The following NEUROD1 variants were observed in gnomAD, a reference collection of about 807,000 sequenced individuals.
The protein encoded by NEUROD1 is neurogenic differentiation factor 1.
A neutral mutation model predicts 21.8 loss-of-function variants in NEUROD1; 9 were observed. The observed-to-expected ratio is 0.41, with a 90% confidence interval of 0.25 to 0.72. The LOEUF (loss-of-function observed/expected upper bound fraction) is 0.72, where lower values mean the gene tolerates loss of function less well. Ranked by LOEUF, NEUROD1 falls within the 30% of genes least tolerant of loss-of-function variation. NEUROD1 has a pLI of 0.31. For missense variants in NEUROD1, 434 were observed against 468.8 expected (o/e 0.93, Z 0.69); for synonymous variants, 199 against 186.2 (o/e 1.07, Z -0.56).
chr2:181,678,311 C>G lies in NEUROD1; in HGVS notation c.550G>C (p.Val184Leu), dbSNP rs772202892. The stretch of plus-strand genomic sequence containing the variant: ...GGATTGAGTTGCAGGCAGCCCGCAA[C>G]CAGGTTGGTGGTGGGTTGGGATAAG... Reference protein sequence around the residue: ...KGLSQPTTNLVAGCLQLNPRT... With the variant: ...KGLSQPTTNLLAGCLQLNPRT... Residue 184 changes from valine (V) to leucine (L), a missense_variant, in exon 2 of 2, where the codon GTT becomes CTT. Coordinates refer to ENST00000295108, the MANE Select transcript of NEUROD1 (RefSeq NM_002500.5). This position sits in a 1 kb window ranked among gnomAD's most constrained non-coding sequence, Gnocchi z 5.5. 2 of 1,614,054 alleles carry G rather than the reference C, an allele frequency of 1.2e-6. No individual in the cohort carries two copies. Among genetic ancestry groups the G allele is most frequent in the Non-Finnish European group, 1.7e-6 (2 of 1,179,964 alleles).
Position 181,670,475 on chromosome 2 carries a change from C to A in NEUROD1, n.3471G>T, listed in dbSNP as rs1328501366. On this transcript the variant is annotated non_coding_transcript_exon_variant, in exon 2 of 2. Coordinates refer to the NEUROD1 transcript ENST00000496876. ...TTTCAGAAGAATTTAAATGAACTCT[C>A]CTATACTTATATATATTTAACATCA... 5.3e-5 allele frequency among the ~76,000 whole-genome samples: 8 copies of A among 152,216 alleles called. No individual in the cohort carries two copies. The East Asian group carries it at 1.2e-3, about 22-fold the overall frequency.
At chr2:181,675,370 T>C (rs71427808), downstream of NEUROD1, among the ~76,000 whole-genome samples, 1 of 152,228 alleles carries the variant, frequency 6.6e-6, no homozygotes, top group African/African-American at 2.4e-5. Context: ...TGGCTAATTG[T>C]TCCTGTCCAT....
downstream of NEUROD1, among the ~76,000 whole-genome samples, chr2:181,668,991 C>T (rs181451729): frequency 5.9e-5 from 9 of 152,200 alleles, no homozygotes; most frequent in South Asian, 4.1e-4. Flanking sequence ...ACTCTGTTAC[C>T]CTTACTGCTA....
chr2:181,678,819 A>G lies in NEUROD1; in HGVS notation c.42T>C (p.Pro14=). Residue 14 remains proline (P), a synonymous_variant, in exon 2 of 2, where the codon CCT becomes CCC. Coordinates refer to ENST00000295108, the MANE Select transcript of NEUROD1 (RefSeq NM_002500.5). This position sits in a 1 kb window ranked among gnomAD's most constrained non-coding sequence, Gnocchi z 5.5. ...TCCAGCTTGGAGGACCTTGGGGCTG[A>G]GGCTCGCCCATCAGCCCACTCTCGC... is the stretch of plus-strand genomic sequence containing the variant. ...SYSESGLMGE[P]QPQGPPSWTD... 2 of 1,614,106 alleles carry G rather than the reference A, an allele frequency of 1.2e-6. No individual in the cohort carries two copies. Among genetic ancestry groups the G allele is most frequent in the Non-Finnish European group, 1.7e-6 (2 of 1,180,030 alleles).
rs1237229187 is a variant in NEUROD1, at chr2:181,678,990, T to C, written c.-11-119A>G. The stretch of plus-strand genomic sequence containing the variant: ...TGTACAAATGCTTGCGAAAAGTACC[T>C]GCCCATTACAAAATGAATGCCTCTG... On this transcript the variant is annotated intron_variant, in intron 1 of 1. Transcript: ENST00000295108. The surrounding 1 kb of genome is among the most constrained non-coding windows in gnomAD (Gnocchi z 5.5). The C allele has an allele frequency of 4.1e-6, 5 of 1,221,210 alleles. No homozygotes were observed. Among genetic ancestry groups the C allele is most frequent in the East Asian group, 4.9e-5 (2 of 40,966 alleles). The allele number at this position is 1,221,210 out of a possible 1,614,324, so 75.6% of individuals were successfully genotyped here. A position where few individuals can be genotyped will look rare whatever the true frequency, so the allele number is the denominator to read the frequency against.
downstream of NEUROD1, among the ~76,000 whole-genome samples, chr2:181,669,464 A>G (rs997953117): frequency 3.9e-5 from 6 of 152,054 alleles, no homozygotes; most frequent in Non-Finnish European, 8.8e-5. Flanking sequence ...CCTCTAATCC[A>G]CACACATACC....
chr2:181,668,984 C>G (rs922178426), downstream of NEUROD1, among the ~76,000 whole-genome samples: 1 of 152,168 alleles, frequency 6.6e-6, no homozygotes, highest in African/African-American at 2.4e-5. Context: ...TTCTGCTACT[C>G]TGTTACCCTT....
At chr2:181,675,748 G>T (rs570593228), downstream of NEUROD1, among the ~76,000 whole-genome samples, 3 of 152,018 alleles carry the variant, frequency 2.0e-5, no homozygotes, top group African/African-American at 4.8e-5. Context: ...TGCCCCAAAG[G>T]GTGGGGGGAG....
rs374172497 is a variant in NEUROD1, at chr2:181,677,112, ATTTTTTTTTTTTTTTTTTTTTTTT to A, written c.*654_*677del. 1 of 49,406 alleles carries A rather than the reference ATTTTTTTTTTTTTTTTTTTTTTTT, an allele frequency of 2.0e-5. No individual in the cohort carries two copies. The highest frequency in any genetic ancestry group is 8.1e-4 in the South Asian group (1 of 1,238). The allele number at this position is 49,406 out of a possible 1,614,324, so 3.1% of individuals were successfully genotyped here. A position where few individuals can be genotyped will look rare whatever the true frequency, so the allele number is the denominator to read the frequency against. ...TGAAATGAATTGCTCAAATTGTGCA[ATTTTTTTTTTTTTTTTTTTTTTTT>A]TTTTTTTTTTACAATTGGAGAGGAA... On this transcript the variant is annotated 3_prime_UTR_variant, in exon 2 of 2. Coordinates refer to ENST00000295108, the MANE Select transcript of NEUROD1 (RefSeq NM_002500.5).
In NEUROD1 at chr2:181,678,991, GC is replaced by G; in HGVS notation, c.-11-121del. ...GTACAAATGCTTGCGAAAAGTACCT[GC>G]CCATTACAAAATGAATGCCTCTGAG... On this transcript the variant is annotated intron_variant, in intron 1 of 1. Coordinates refer to ENST00000295108, the MANE Select transcript of NEUROD1 (RefSeq NM_002500.5). This position sits in a 1 kb window ranked among gnomAD's most constrained non-coding sequence, Gnocchi z 5.5. 1 of 1,215,152 alleles carries G rather than the reference GC, an allele frequency of 8.2e-7. No homozygotes were observed. Among genetic ancestry groups the G allele is most frequent in the South Asian group, 1.4e-5 (1 of 73,090 alleles). 75.3% of individuals were successfully genotyped at this position (1,215,152 alleles called of 1,614,324 possible). A position where few individuals can be genotyped will look rare whatever the true frequency, so the allele number is the denominator to read the frequency against.
chr2:181,670,366 G>A (rs1688481280), exon 2 of NEUROD1, among the ~76,000 whole-genome samples: 2 of 152,046 alleles, frequency 1.3e-5, no homozygotes, highest in African/African-American at 4.8e-5. Flanking sequence ...GCTGTTTTTT[G>A]TCAGCTTGTT....
chr2:181,669,067 G>C (rs1688459915), downstream of NEUROD1, among the ~76,000 whole-genome samples: 1 of 151,920 alleles, frequency 6.6e-6, no homozygotes, highest in Non-Finnish European at 1.5e-5. Context: ...ATGTAATTCT[G>C]TACCTATGTT....
At chr2:181,674,851 A>G (rs1378929182), downstream of NEUROD1, among the ~76,000 whole-genome samples, 1 of 152,142 alleles carries the variant, frequency 6.6e-6, no homozygotes, top group Non-Finnish European at 1.5e-5. Context: ...TCTACCTTAC[A>G]AAAGAACACA....
chr2:181,677,694 G>T lies in NEUROD1; in HGVS notation c.*96C>A. 1 of 1,605,356 alleles carries T rather than the reference G, an allele frequency of 6.2e-7. No individual in the cohort carries two copies. The highest frequency in any genetic ancestry group is 1.1e-5 in the South Asian group (1 of 90,156). ...TTGAAGCTTGGAGTATTTGCACTTT[G>T]CAGCAGTAGTACCCAAAGGGCTGCC... is the stretch of plus-strand genomic sequence containing the variant. On this transcript the variant is annotated 3_prime_UTR_variant, in exon 2 of 2. Coordinates refer to ENST00000295108, the MANE Select transcript of NEUROD1 (RefSeq NM_002500.5).
chr2:181,677,873 TG>T lies in NEUROD1; in HGVS notation c.987del (p.Ile330Ter), dbSNP rs1279879492. 1 of 1,614,066 alleles carries T rather than the reference TG, an allele frequency of 6.2e-7. No homozygotes were observed. The highest frequency in any genetic ancestry group is 8.5e-7 in the Non-Finnish European group (1 of 1,180,040). ...SGTAAPRCEI[P>X]IDNIMSFDSH... ...CTATCGAAGGACATAATATTGTCTA[TG>T]GGGATCTCGCAGCGAGGGGCAGCGG... On this transcript the variant is annotated frameshift_variant, in exon 2 of 2. Transcript: ENST00000295108. LOFTEE classifies it high-confidence loss of function.
chr2:181,679,855 G>C (rs1024674677), intron 1 of NEUROD1, among the ~76,000 whole-genome samples: 1 of 152,184 alleles, frequency 6.6e-6, no homozygotes, highest in Non-Finnish European at 1.5e-5. Context: ...TGGCTGCTGG[G>C]GACTTGGCCG....
At chr2:181,669,200 G>A (rs1038138667), downstream of NEUROD1, among the ~76,000 whole-genome samples, 3 of 152,126 alleles carry the variant, frequency 2.0e-5, no homozygotes, top group African/African-American at 7.2e-5. Context: ...AGCCTCTCTT[G>A]TATCAGGCAA....
chr2:181,669,454 C>T (rs1672561461), downstream of NEUROD1, among the ~76,000 whole-genome samples: 2 of 152,142 alleles, frequency 1.3e-5, no homozygotes, highest in African/African-American at 4.8e-5. Context: ...ACATTCCAGA[C>T]CTCTAATCCA....
At position 181,677,713 on chromosome 2, in the gene NEUROD1, G is replaced by C; in HGVS notation, c.*77C>G. 6.2e-7 allele frequency: 1 copy of C among 1,610,910 alleles called. No individual in the cohort carries two copies. Among genetic ancestry groups the C allele is most frequent in the South Asian group, 1.1e-5 (1 of 90,560 alleles). The stretch of plus-strand genomic sequence containing the variant: ...CACTTTGCAGCAGTAGTACCCAAAG[G>C]GCTGCCTTTTGTAAACACGACAGTC... On this transcript the variant is annotated 3_prime_UTR_variant, in exon 2 of 2. Coordinates refer to ENST00000295108, the MANE Select transcript of NEUROD1 (RefSeq NM_002500.5).
Sources: gnomAD v4.1 joint callset for allele counts (sites outside exome capture counted in the v4.1 genomes callset) on GRCh38, gnomAD v4.1.1 for gene constraint, Gnocchi (gnomAD v3.1) non-coding constraint, MANE v1.5 for transcripts, NCBI Gene and HGNC (gene_info 2026-07-23, HGNC 2026-07-21) for gene names.